NAV2: variants seen among roughly 807,000 people sequenced by gnomAD.
The protein encoded by NAV2 is helicase, APC down-regulated 1.
In NAV2, 54 loss-of-function variants were observed where a neutral mutation model predicts 223.2. The observed-to-expected ratio is 0.24, with a 90% CI of 0.19 to 0.30. The LOEUF (loss-of-function observed/expected upper bound fraction) is 0.30, where lower values mean the gene tolerates loss of function less well. Ranked by LOEUF, NAV2 falls within the 10% of genes least tolerant of loss-of-function variation. The pLI is 1.00. For missense variants in NAV2, 2,806 were observed against 3,147.5 expected (o/e 0.89, Z 2.60); for synonymous variants, 1,279 against 1,239.3 (o/e 1.03, Z -0.67).
At chr11:19,731,687 T>C (rs932948762) in intron 1 of NAV2, among the ~76,000 whole-genome samples, 4 of 152,196 alleles carry the variant, frequency 2.6e-5, no homozygotes, top group African/African-American at 9.7e-5. Flanking sequence ...CGTCATTGAG[T>C]TGAGTAGCTA....
At chr11:19,514,838 G>T (rs1298681010) in intron 1 of NAV2, among the ~76,000 whole-genome samples, 1 of 152,170 alleles carries the variant, frequency 6.6e-6, no homozygotes, top group Non-Finnish European at 1.5e-5. Flanking sequence ...GCCCAGGCAG[G>T]CCCAGGCTGT....
chr11:19,843,762 A>C (rs1432921497), intron 3 of NAV2, among the ~76,000 whole-genome samples: 3 of 150,818 alleles, frequency 2.0e-5, no homozygotes, highest in Non-Finnish European at 3.0e-5. Context: ...GAAATCTAAA[A>C]AAAAAAAAAA....
At chr11:19,915,436 G>A (rs969333661) in intron 6 of NAV2, among the ~76,000 whole-genome samples, 1 of 152,036 alleles carries the variant, frequency 6.6e-6, no homozygotes, top group Non-Finnish European at 1.5e-5. Flanking sequence ...CCGTGAGCTG[G>A]CCTCATTTTT....
chr11:19,612,172 G>A (rs1413015844), intron 1 of NAV2, among the ~76,000 whole-genome samples: 3 of 152,206 alleles, frequency 2.0e-5, no homozygotes, highest in East Asian at 3.9e-4. Context: ...GGAACACAGG[G>A]TGCCAAGTCC....
chr11:19,472,774 G>A (rs1206037788), intron 1 of NAV2, among the ~76,000 whole-genome samples: 1 of 152,154 alleles, frequency 6.6e-6, no homozygotes, highest in African/African-American at 2.4e-5. Flanking sequence ...GGTAGTTGCC[G>A]GGAAGATGAA....
intron 11 of NAV2, among the ~76,000 whole-genome samples, chr11:20,001,548 C>T (rs974755100): frequency 3.9e-5 from 6 of 152,096 alleles, no homozygotes; most frequent in Admixed American, 3.3e-4. Flanking sequence ...TTTTCTCACT[C>T]TCAGGACTGT....
At chr11:19,773,696 C>G (rs933012131) in intron 1 of NAV2, among the ~76,000 whole-genome samples, 1 of 152,148 alleles carries the variant, frequency 6.6e-6, no homozygotes, top group African/African-American at 2.4e-5. Context: ...CTCTGCAAAT[C>G]TACAGGGTCC....
chr11:19,522,672 A>G (rs1035913600), intron 1 of NAV2, among the ~76,000 whole-genome samples: 10 of 152,314 alleles, frequency 6.6e-5, no homozygotes, highest in African/African-American at 2.2e-4. Flanking sequence ...AGTGTTGGGC[A>G]TGCCTTTCTT....
chr11:19,949,182 T>A, intron 10 of NAV2, 102 bp downstream of exon 10: 1 of 1,294,338 alleles, frequency 7.7e-7, no homozygotes, highest in Non-Finnish European at 1.0e-6. Context: ...GAGGTCAAAC[T>A]GCCCACCTGA....
chr11:19,828,129 G>A lies in NAV2; in HGVS notation c.268-4355G>A, dbSNP rs574421567. Among the ~76,000 whole-genome samples, 5 of 152,292 alleles carry A rather than the reference G, an allele frequency of 3.3e-5. No homozygotes were observed. In the South Asian group the frequency reaches 1.0e-3, roughly 32 times the overall value. ...TGATTACCCCACTGCACCCCAGCCT[G>A]GGAGACAGAGTGAGACCTTGACTCT... On this transcript the variant is annotated intron_variant, in intron 1 of 37. Coordinates refer to ENST00000349880, the MANE Select transcript of NAV2 (RefSeq NM_145117.5).
At chr11:19,356,278 G>A (rs1250981870) in intron 1 of NAV2, among the ~76,000 whole-genome samples, 1 of 152,182 alleles carries the variant, frequency 6.6e-6, no homozygotes, top group African/African-American at 2.4e-5. Context: ...AGGGTCAGGG[G>A]GGAGGATGGC....
chr11:19,936,026 ATT>A (rs11315576), intron 7 of NAV2, among the ~76,000 whole-genome samples: 117 of 139,424 alleles, frequency 8.4e-4, no homozygotes, highest in Middle Eastern at 3.5e-3. Flanking sequence ...TGCCTGGCTA[ATT>A]TTTTTTTTTT....
chr11:19,672,334 G>A (rs1307670831), intron 1 of NAV2, among the ~76,000 whole-genome samples: 1 of 152,186 alleles, frequency 6.6e-6, no homozygotes, highest in East Asian at 1.9e-4. Flanking sequence ...GAGCCTGAAT[G>A]TGCATTCAAC....
Position 20,092,512 on chromosome 11 carries a change from GGT to G in NAV2, c.5815+148_5815+149del. 6 of 790,590 alleles carry G rather than the reference GGT, an allele frequency of 7.6e-6. 1 individual carries two copies. The South Asian group carries it at 9.8e-5, about 13-fold the overall frequency. 49.0% of individuals were successfully genotyped at this position (790,590 alleles called of 1,614,324 possible). On this transcript the variant is annotated intron_variant, in intron 28 of 37. Transcript: ENST00000349880. ...TGCACTTGGGGTGTGTATGTGTCTG[GGT>G]GTGAGTCTGCTACCAACATGAGCCC...
chr11:19,700,974 C>G (rs1391984467), intron 1 of NAV2, among the ~76,000 whole-genome samples: 1 of 152,206 alleles, frequency 6.6e-6, no homozygotes, highest in Non-Finnish European at 1.5e-5. Context: ...ACACCTGGCC[C>G]TCTGTCTCCA....
rs571488004 is a variant in NAV2 at position 19,492,413 on chromosome 11, G to A, written c.75+141386G>A. Among the ~76,000 whole-genome samples, 61 of 152,228 alleles carry A rather than the reference G, an allele frequency of 4.0e-4. 1 individual carries two copies. In the South Asian group the frequency reaches 0.012, roughly 31 times the overall value. ...CCTAAATTTACTGTGTTAAATATCA[G>A]CATGTGTCTGAAAGAGAGGGAGCAC... On this transcript the variant is annotated intron_variant, in intron 1 of 37. Transcript: ENST00000360655.
intron 1 of NAV2, among the ~76,000 whole-genome samples, chr11:19,728,332 T>C (rs1242317328): frequency 1.3e-5 from 2 of 152,178 alleles, no homozygotes; most frequent in African/African-American, 4.8e-5. Flanking sequence ...GTGTGTAGAA[T>C]TGTCCAAATA....
chr11:20,030,136 AAC>A (rs1468424720), intron 11 of NAV2, among the ~76,000 whole-genome samples: 3 of 152,204 alleles, frequency 2.0e-5, no homozygotes, highest in African/African-American at 7.2e-5. Flanking sequence ...AAGGTTGTCA[AAC>A]ACAATGCTAT....
At chr11:19,870,055 T>C (rs780018746) in intron 4 of NAV2, among the ~76,000 whole-genome samples, 2 of 152,162 alleles carry the variant, frequency 1.3e-5, no homozygotes, top group Non-Finnish European at 2.9e-5. Context: ...TGAGTGGGAC[T>C]GTAGGAATTC....
Sources: gnomAD v4.1 joint callset for allele counts (sites outside exome capture counted in the v4.1 genomes callset) on GRCh38, gnomAD v4.1.1 for gene constraint, MANE v1.5 for transcripts, NCBI Gene and HGNC (gene_info 2026-07-23, HGNC 2026-07-21) for gene names.